MPPE1: variants seen among roughly 807,000 people sequenced by gnomAD.
MPPE1 encodes metallo phosphoesterase.
Under a neutral mutation model 43.8 loss-of-function variants are expected in MPPE1, and 28 were observed. The observed-to-expected ratio is 0.64, with a 90% CI of 0.47 to 0.88. The LOEUF is 0.88. Among genes scored for constraint, MPPE1 ranks in the 40% least tolerant of loss-of-function variants. The probability of loss-of-function intolerance (pLI) is 0.00; values close to 1 mark genes in which losing one functional copy is unlikely to be tolerated. For synonymous variants in MPPE1, 159 were observed against 188.5 expected, an observed-to-expected ratio of 0.84 and a Z score of 1.28; for missense variants, 428 against 492.2, an observed-to-expected ratio of 0.87 and a Z score of 1.23.
At position 11,894,739 on chromosome 18, in the gene MPPE1, T is replaced by C. The variant is rs533509199; in HGVS notation, c.282-1163A>G. 2.2e-3 allele frequency among the ~76,000 whole-genome samples: 330 copies of C among 152,116 alleles called. 1 individual carries two copies. The highest frequency in any genetic ancestry group is 3.8e-3 in the Admixed American group (58 of 15,258). ...CCAAGTAGCTGGGATTACAGGCATGTGCCACCACACCCAGCTAATTTTGTA... is the reference window on the plus strand; with the variant it reads ...CCAAGTAGCTGGGATTACAGGCATGCGCCACCACACCCAGCTAATTTTGTA... On this transcript the variant is annotated intron_variant, in intron 3 of 10. Transcript: ENST00000588072.
At chr18:11,904,546 T>G (rs1342494661) in intron 2 of MPPE1, among the ~76,000 whole-genome samples, 5 of 150,458 alleles carry the variant, frequency 3.3e-5, no homozygotes, top group Admixed American at 6.6e-5. Flanking sequence ...GGCAAACTCC[T>G]AGGCTCAAGT....
rs948743944 is a variant in MPPE1 at position 11,897,361 on chromosome 18, G to A, written c.-92-5C>T. On this transcript the variant is annotated splice_region_variant and splice_polypyrimidine_tract_variant and intron_variant, in intron 2 of 10. Transcript: ENST00000588072. ...ATTCAGGTCTTAGCTGGGCACCTAC[G>A]GGAAAAGGAAAAGAATTCAGTTATG... 14 of 1,150,724 alleles carry A rather than the reference G, an allele frequency of 1.2e-5. 1 individual carries two copies. The Middle Eastern group carries it at 6.1e-4, about 50-fold the overall frequency. 71.3% of individuals were successfully genotyped at this position (1,150,724 alleles called of 1,614,324 possible). A position where few individuals can be genotyped will look rare whatever the true frequency, so the allele number is the denominator to read the frequency against.
intron 2 of MPPE1, chr18:11,902,312 C>T (rs926183292): frequency 6.6e-6 from 1 of 152,130 alleles, no homozygotes; most frequent in Admixed American, 6.6e-5. Context: ...GTGGCAGGAA[C>T]CATGCACCAG....
rs142425050 is a variant in MPPE1, at chr18:11,888,711, T to A, written c.527A>T (p.Lys176Ile). Residue 176 changes from lysine (K) to isoleucine (I), a missense_variant, in exon 6 of 11, where the codon AAA becomes ATA. Around this residue, in one of 3 missense-constraint regions of MPPE1, gnomAD observed 379 missense variants for 402.5 expected, o/e 0.94. Transcript: ENST00000588072. ...AAACAGTCTTTCAGAGCTGAACACT[T>A]TCTCAAAGCGTTCTACTTTGTATGT... ...MNTYKVERFE[K>I]VFSSERLFSW... The A allele has an allele frequency of 1.7e-4, 271 of 1,599,760 alleles. No homozygotes were observed. Among genetic ancestry groups the A allele is most frequent in the Non-Finnish European group, 2.1e-4 (246 of 1,175,700 alleles).
intron 4 of MPPE1, among the ~76,000 whole-genome samples, chr18:11,890,684 A>G (rs1353164647): frequency 6.6e-6 from 1 of 152,234 alleles, no homozygotes; most frequent in African/African-American, 2.4e-5. Flanking sequence ...TATTTGGTTC[A>G]TACACCTATT....
chr18:11,903,310 CT>C (rs1054507432), intron 2 of MPPE1, among the ~76,000 whole-genome samples: 3 of 152,130 alleles, frequency 2.0e-5, no homozygotes, highest in African/African-American at 7.2e-5. Context: ...AGAGTATGAC[CT>C]TCTGGGGGCA....
At chr18:11,900,773 G>T (rs2039093215) in intron 2 of MPPE1, among the ~76,000 whole-genome samples, 1 of 151,980 alleles carries the variant, frequency 6.6e-6, no homozygotes, top group African/African-American at 2.4e-5. Context: ...CAGGCGTGGT[G>T]GCAGACGCCT....
At chr18:11,907,180 G>A (rs2039802506) in intron 1 of MPPE1, among the ~76,000 whole-genome samples, 1 of 152,144 alleles carries the variant, frequency 6.6e-6, no homozygotes, top group African/African-American at 2.4e-5. Flanking sequence ...TCATCTGCAT[G>A]ATAAAACTTC....
intron 4 of MPPE1, 39 bp from the exon 5 acceptor site, chr18:11,889,529 A>G (rs2037726716): frequency 6.9e-7 from 1 of 1,455,868 alleles, no homozygotes. Context: ...CCAGAGAACC[A>G]TCTCTGCCCT....
In MPPE1 at chr18:11,897,155, C is replaced by G. The variant is rs1191772563; in HGVS notation, c.110G>C (p.Cys37Ser). 4 of 1,361,612 alleles carry G rather than the reference C, an allele frequency of 2.9e-6. No individual in the cohort carries two copies. The highest frequency in any genetic ancestry group is 4.7e-5 in the East Asian group (2 of 42,472). 84.3% of individuals were successfully genotyped at this position (1,361,612 alleles called of 1,614,324 possible). A position where few individuals can be genotyped will look rare whatever the true frequency, so the allele number is the denominator to read the frequency against. Residue 37 changes from cysteine to serine, a missense_variant, in exon 3 of 11, where the codon TGT becomes TCT. Transcript: ENST00000588072. The stretch of plus-strand genomic sequence containing the variant: ...CGCTAAGTAATAGATTAAAAATTCA[C>G]AAAATAGAAGCACAGCAAAGACAAC... ...IAVVFAVLLF[C>S]EFLIYYLAIF... is the part of the protein sequence containing the mutation.
At chr18:11,896,026 C>T (rs1373414771) in intron 3 of MPPE1, among the ~76,000 whole-genome samples, 11 of 151,510 alleles carry the variant, frequency 7.3e-5, no homozygotes, top group African/African-American at 2.4e-4. Flanking sequence ...TTCTTGAGCT[C>T]ATGCCTCCTT....
At position 11,884,248 on chromosome 18, in the gene MPPE1, A is replaced by G. The variant is rs1349400453; in HGVS notation, c.*197T>C. 15 of 566,956 alleles carry G rather than the reference A, an allele frequency of 2.6e-5. No individual in the cohort carries two copies. Among genetic ancestry groups the G allele is most frequent in the Non-Finnish European group, 3.1e-5 (10 of 319,356 alleles). The allele number at this position is 566,956 out of a possible 1,614,324, so 35.1% of individuals were successfully genotyped here. A position where few individuals can be genotyped will look rare whatever the true frequency, so the allele number is the denominator to read the frequency against. On this transcript the variant is annotated 3_prime_UTR_variant, in exon 11 of 11. Coordinates refer to ENST00000588072, the MANE Select transcript of MPPE1 (RefSeq NM_023075.6). ...AAATGAGAAAACAGATTTGTTGTAG[A>G]GTACCTGTCCACTTTTATAGCATGA...
chr18:11,889,141 A>C (rs1475004100), intron 5 of MPPE1, among the ~76,000 whole-genome samples: 1 of 152,228 alleles, frequency 6.6e-6, no homozygotes, highest in Admixed American at 6.5e-5. Context: ...TTGGCCATTA[A>C]ATGTACATTT....
chr18:11,887,046 G>A (rs369902630), intron 6 of MPPE1, 21 bp from the exon 7 acceptor site: 703 of 1,576,566 alleles, frequency 4.5e-4, no homozygotes, highest in Admixed American at 5.6e-4. Context: ...GGGAAACGCA[G>A]GTGAGGCCGC....
At position 11,908,242 on chromosome 18, in the gene MPPE1, T is replaced by C. The variant is rs920768759; in HGVS notation, c.-241A>G. The C allele has an allele frequency of 1.3e-5, 2 of 152,182 alleles. No homozygotes were observed. The highest frequency in any genetic ancestry group is 2.9e-5 in the Non-Finnish European group (2 of 68,020). The allele number at this position is 152,182 out of a possible 1,614,324, so 9.4% of individuals were successfully genotyped here. A position where few individuals can be genotyped will look rare whatever the true frequency, so the allele number is the denominator to read the frequency against. The stretch of plus-strand genomic sequence containing the variant: ...AGCTCTGCGCACAACGCCAGGCAGA[T>C]GGGGAGCACCGGGCGGTGCGGGAGC... On this transcript the variant is annotated 5_prime_UTR_variant, in exon 1 of 11. Coordinates refer to ENST00000588072, the MANE Select transcript of MPPE1 (RefSeq NM_023075.6).
chr18:11,904,111 C>A (rs746606819), intron 2 of MPPE1, among the ~76,000 whole-genome samples: 121 of 152,128 alleles, frequency 8.0e-4, no homozygotes, highest in Non-Finnish European at 1.4e-3. Flanking sequence ...ATATCCTACA[C>A]AGAGCCATTC....
At chr18:11,900,713 C>T (rs547155439) in intron 2 of MPPE1, among the ~76,000 whole-genome samples, 10 of 151,786 alleles carry the variant, frequency 6.6e-5, no homozygotes, top group Admixed American at 6.6e-4. Flanking sequence ...CGAGACCATC[C>T]TGGCTAACAC....
chr18:11,890,329 G>T (rs1041768061), intron 4 of MPPE1, among the ~76,000 whole-genome samples: 5 of 151,786 alleles, frequency 3.3e-5, no homozygotes, highest in African/African-American at 1.2e-4. Context: ...GTTTTTTTGA[G>T]ACAGGGTCTC....
intron 4 of MPPE1, among the ~76,000 whole-genome samples, chr18:11,889,814 C>T (rs1026891569): frequency 8.6e-5 from 13 of 152,016 alleles, no homozygotes; most frequent in African/African-American, 1.5e-4. Context: ...CCTCGTGATC[C>T]GCCCGCCTCA....
Sources: allele counts gnomAD v4.1 joint callset (sites outside exome capture counted in the v4.1 genomes callset), GRCh38; gene constraint gnomAD v4.1.1; regional missense constraint gnomAD v4.1.1; transcripts MANE v1.5; gene names NCBI Gene and HGNC (gene_info 2026-07-23, HGNC 2026-07-21).